Variants in DAAM2 observed in about 807,000 individuals in gnomAD.
The protein encoded by DAAM2 is dishevelled associated activator of morphogenesis 2, also known as disheveled-associated activator of morphogenesis 2.
Under a neutral mutation model 120.7 loss-of-function variants are expected in DAAM2, and 39 were observed. The ratio of observed to expected loss-of-function variants is 0.32; its 90% confidence interval spans 0.25 to 0.42. DAAM2 has a LOEUF of 0.42. Among genes scored for constraint, DAAM2 ranks in the 10% least tolerant of loss-of-function variants. The pLI, the probability that DAAM2 is intolerant of heterozygous loss-of-function variation, is 1.00. For missense variants in DAAM2, 1,283 were observed against 1,401.7 expected (o/e 0.92, Z 1.35); for synonymous variants, 488 against 524.9 (o/e 0.93, Z 0.96).
chr6:39,800,788 T>C (rs545112547), intron 1 of DAAM2, among the ~76,000 whole-genome samples: 27 of 152,336 alleles, frequency 1.8e-4, no homozygotes, highest in Non-Finnish European at 3.4e-4. Flanking sequence ...CAGGGCTCCC[T>C]GTGGGTTTGG....
intron 1 of DAAM2, chr6:39,848,635 A>T (rs1406289900): frequency 1.3e-5 from 2 of 152,078 alleles, no homozygotes. Flanking sequence ...AGAGGCCGAG[A>T]TAATTTACTT....
chr6:39,801,492 C>T (rs1761861142), intron 1 of DAAM2, among the ~76,000 whole-genome samples: 1 of 152,212 alleles, frequency 6.6e-6, no homozygotes, highest in East Asian at 1.9e-4. Flanking sequence ...ACCTGTGCTT[C>T]TGCAGTATGA....
intron 3 of DAAM2, among the ~76,000 whole-genome samples, chr6:39,863,889 T>C (rs1026123349): frequency 6.6e-6 from 1 of 152,096 alleles, no homozygotes; most frequent in African/African-American, 2.4e-5. Context: ...CCCAAAGCCT[T>C]GGAAATTTCT....
Position 39,901,427 on chromosome 6 carries a change from G to GAGGAGGA in DAAM2, c.2945_2951dup (p.Glu985GlyfsTer20). ...CCCGGCAGGATCTAGAGGCCATGAG[G>GAGGAGGA]AGGAGGAAGGAGGAGGAGGAGCGGC... On this transcript the variant is annotated frameshift_variant, in exon 24 of 25. Transcript: ENST00000274867. LOFTEE classifies it high-confidence loss of function. This position sits in a 1 kb window ranked among gnomAD's most constrained non-coding sequence, Gnocchi z 4.5. The GAGGAGGA allele has an allele frequency of 6.2e-7, 1 of 1,613,032 alleles. No homozygotes were observed. Among genetic ancestry groups the GAGGAGGA allele is most frequent in the Non-Finnish European group, 8.5e-7 (1 of 1,179,846 alleles).
In DAAM2 at chr6:39,869,200, C is replaced by T. The variant is rs73430528; in HGVS notation, c.873+267C>T. Reference sequence around the variant, plus strand: ...GAGAGCTGTTTCTGGACTGTTTTCTCGTTGGCTGGTCATGTTCTTCTAGTG... The same window carrying T: ...GAGAGCTGTTTCTGGACTGTTTTCTTGTTGGCTGGTCATGTTCTTCTAGTG... On this transcript the variant is annotated intron_variant, in intron 7 of 24. Transcript: ENST00000274867. Among the ~76,000 whole-genome samples the T allele has an allele frequency of 8.8e-3, 1,337 of 152,120 alleles. 94 individuals carry two copies. In the East Asian group the frequency reaches 0.17, roughly 19 times the overall value.
intron 1 of DAAM2, among the ~76,000 whole-genome samples, chr6:39,834,885 G>GT (rs1763047840): frequency 6.6e-6 from 1 of 152,100 alleles, no homozygotes; most frequent in Non-Finnish European, 1.5e-5. Context: ...CAACGCACGG[G>GT]CTCAGTTTCA....
At position 39,902,749 on chromosome 6, in the gene DAAM2, C is replaced by T. The variant is rs1341870438; in HGVS notation, c.*712C>T. Reference sequence around the variant, plus strand: ...TCTACCCTCACCTCCATCCTGTCTACTAATCCACAGTCCTAGAAGACTCAC... The same window carrying T: ...TCTACCCTCACCTCCATCCTGTCTATTAATCCACAGTCCTAGAAGACTCAC... On this transcript the variant is annotated 3_prime_UTR_variant, in exon 25 of 25. Coordinates refer to ENST00000274867, the MANE Select transcript of DAAM2 (RefSeq NM_001201427.2). The T allele has an allele frequency of 6.6e-6, 1 of 152,354 alleles. No homozygotes were observed. Among genetic ancestry groups the T allele is most frequent in the African/African-American group, 2.4e-5 (1 of 41,436 alleles). The allele number at this position is 152,354 out of a possible 1,614,324, so 9.4% of individuals were successfully genotyped here.
intron 1 of DAAM2, among the ~76,000 whole-genome samples, chr6:39,800,858 C>T (rs540145913): frequency 1.2e-4 from 19 of 152,286 alleles, no homozygotes; most frequent in Non-Finnish European, 2.5e-4. Context: ...AGTGCTGCCT[C>T]CAACCTGCCC....
At chr6:39,884,144 C>T (rs1364011997) in intron 15 of DAAM2, 75 bp downstream of exon 15, 1 of 779,892 alleles carries the variant, frequency 1.3e-6, no homozygotes, top group East Asian at 2.7e-5. Context: ...TTCTTTCTGC[C>T]TGCCTGCCTT....
At chr6:39,844,683 A>G (rs1017141382) in intron 1 of DAAM2, among the ~76,000 whole-genome samples, 2 of 152,122 alleles carry the variant, frequency 1.3e-5, no homozygotes, top group Non-Finnish European at 2.9e-5. Flanking sequence ...TTTCCTAAAT[A>G]TTATGCTTGG....
chr6:39,899,895 A>G, intron 22 of DAAM2, 182 bp from the exon 23 acceptor site: 1 of 597,052 alleles, frequency 1.7e-6, no homozygotes, highest in South Asian at 2.2e-5. Flanking sequence ...GAAAGATGGC[A>G]GGGTGGGCTG....
intron 1 of DAAM2, among the ~76,000 whole-genome samples, chr6:39,815,638 C>G (rs563396065): frequency 7.8e-6 from 1 of 127,404 alleles, no homozygotes; most frequent in East Asian, 2.4e-4. Context: ...GAATTACTCC[C>G]ATACCCCTGG....
At chr6:39,844,802 AG>A (rs1763496968) in intron 1 of DAAM2, among the ~76,000 whole-genome samples, 1 of 151,520 alleles carries the variant, frequency 6.6e-6, no homozygotes, top group Non-Finnish European at 1.5e-5. Flanking sequence ...GTTGCCTGGG[AG>A]TTCTTTCTAC....
intron 1 of DAAM2, among the ~76,000 whole-genome samples, chr6:39,846,769 C>T (rs1763610231): frequency 6.7e-6 from 1 of 149,758 alleles, no homozygotes; most frequent in South Asian, 2.1e-4. Context: ...ATTTATTTGT[C>T]TCTCTTCCCA....
At chr6:39,817,690 C>T (rs1024705610) in intron 1 of DAAM2, among the ~76,000 whole-genome samples, 1 of 152,174 alleles carries the variant, frequency 6.6e-6, no homozygotes, top group African/African-American at 2.4e-5. Context: ...GGCCAGCAGG[C>T]TGGAGACCCA....
chr6:39,854,598 A>G (rs1763930952), intron 1 of DAAM2, among the ~76,000 whole-genome samples: 1 of 152,218 alleles, frequency 6.6e-6, no homozygotes, highest in South Asian at 2.1e-4. Flanking sequence ...GCCAGATGAG[A>G]TTATACTAAA....
intron 1 of DAAM2, among the ~76,000 whole-genome samples, chr6:39,812,171 C>T (rs954385714): frequency 2.6e-5 from 4 of 152,176 alleles, no homozygotes; most frequent in South Asian, 2.1e-4. Context: ...GCCAGACCCA[C>T]GGCAGTCAGA....
intron 1 of DAAM2, among the ~76,000 whole-genome samples, chr6:39,846,454 T>C (rs914133249): frequency 1.3e-5 from 2 of 152,202 alleles, no homozygotes; most frequent in Admixed American, 6.5e-5. Context: ...AAAGTACTTA[T>C]GTTCTCTTGC....
In DAAM2 at chr6:39,904,753, C is replaced by T. The variant is rs1278073030; in HGVS notation, c.*2716C>T. 4.4e-6 allele frequency: 2 copies of T among 454,024 alleles called. No individual in the cohort carries two copies. Among genetic ancestry groups the T allele is most frequent in the Non-Finnish European group, 8.8e-6 (2 of 226,812 alleles). 28.1% of individuals were successfully genotyped at this position (454,024 alleles called of 1,614,324 possible). ...CGCCAAGGCTGTTCTCACCAGCTGC[C>T]TCAGATGACAAATGAGGCTAATGGA... On this transcript the variant is annotated 3_prime_UTR_variant, in exon 25 of 25. Transcript: ENST00000274867.
Sources: gnomAD v4.1 joint callset for allele counts (sites outside exome capture counted in the v4.1 genomes callset) on GRCh38, gnomAD v4.1.1 for gene constraint, Gnocchi (gnomAD v3.1) non-coding constraint, MANE v1.5 for transcripts, NCBI Gene and HGNC (gene_info 2026-07-23, HGNC 2026-07-21) for gene names.